ROBO2: variants seen among roughly 807,000 people sequenced by gnomAD.
ROBO2 encodes the protein roundabout guidance receptor 2, also known as roundabout homolog 2.
A neutral mutation model predicts 160.8 loss-of-function variants in ROBO2; 53 were observed. The ratio of observed to expected loss-of-function variants is 0.33; its 90% CI spans 0.26 to 0.41. The LOEUF is 0.41. Ranked by LOEUF, ROBO2 falls within the 10% of genes least tolerant of loss-of-function variation. ROBO2 has a pLI of 1.00. For missense variants in ROBO2, 1,577 were observed against 1,722.4 expected, an observed-to-expected ratio of 0.92 and a Z score of 1.49; for synonymous variants, 664 against 611.7, an observed-to-expected ratio of 1.09 and a Z score of -1.26.
chr3:76,390,860 A>G (rs1474040308), intron 2 of ROBO2, among the ~76,000 whole-genome samples: 1 of 152,170 alleles, frequency 6.6e-6, no homozygotes, highest in East Asian at 1.9e-4. Context: ...TAAGGACAGT[A>G]TGTTCAGTAT....
At chr3:75,992,765 A>C (rs2107520800) in intron 2 of ROBO2, among the ~76,000 whole-genome samples, 1 of 152,302 alleles carries the variant, frequency 6.6e-6, no homozygotes, top group East Asian at 1.9e-4. Flanking sequence ...TGATGGGCTA[A>C]ACCCTGCAAA....
intron 2 of ROBO2, among the ~76,000 whole-genome samples, chr3:76,658,700 G>A (rs1271910007): frequency 6.6e-6 from 1 of 152,136 alleles, no homozygotes; most frequent in Non-Finnish European, 1.5e-5. Context: ...ATTCCAAGGT[G>A]TATATGTGCC....
intron 2 of ROBO2, among the ~76,000 whole-genome samples, chr3:76,622,235 G>GAAAGAA (rs1343648585): frequency 6.7e-5 from 3 of 44,792 alleles, no homozygotes; most frequent in African/African-American, 2.6e-4. Flanking sequence ...AGGAAGGAAG[G>GAAAGAA]AAGAAAGAAA....
chr3:77,546,509 T>C, intron 7 of ROBO2, 47 bp downstream of exon 8: 1 of 1,608,960 alleles, frequency 6.2e-7, no homozygotes, highest in Non-Finnish European at 8.5e-7. Context: ...GAACTTCTAC[T>C]GTCTCTGCTG....
At chr3:76,444,011 G>T (rs1381328976) in intron 2 of ROBO2, among the ~76,000 whole-genome samples, 1 of 152,078 alleles carries the variant, frequency 6.6e-6, no homozygotes, top group African/African-American at 2.4e-5. Flanking sequence ...TGTCCCCCAA[G>T]CTGGAGTGCA....
chr3:76,223,334 A>G (rs958800285), intron 2 of ROBO2, among the ~76,000 whole-genome samples: 1 of 151,416 alleles, frequency 6.6e-6, no homozygotes, highest in African/African-American at 2.4e-5. Flanking sequence ...TGCGGGGTTA[A>G]CCCCCTCAGA....
At chr3:77,570,196 A>C (rs544527857) in intron 13 of ROBO2, among the ~76,000 whole-genome samples, 160 of 152,166 alleles carry the variant, frequency 1.1e-3, no homozygotes, top group Non-Finnish European at 1.2e-3. Flanking sequence ...TTTAAGCTGC[A>C]TCTAAATGTG....
At chr3:77,226,263 C>G (rs2086484575) in intron 2 of ROBO2, among the ~76,000 whole-genome samples, 2 of 151,638 alleles carry the variant, frequency 1.3e-5, no homozygotes, top group Admixed American at 1.3e-4. Context: ...TAAGATGACC[C>G]TATATGGACC....
intron 2 of ROBO2, among the ~76,000 whole-genome samples, chr3:76,200,295 G>A (rs1439567269): frequency 6.6e-6 from 1 of 152,092 alleles, no homozygotes; most frequent in Non-Finnish European, 1.5e-5. Flanking sequence ...CATCAACAAG[G>A]GTTGTGAAGA....
chr3:76,467,775 G>C (rs1384005749), intron 2 of ROBO2, among the ~76,000 whole-genome samples: 2 of 152,068 alleles, frequency 1.3e-5, no homozygotes, highest in African/African-American at 4.8e-5. Context: ...CCAACTCGTA[G>C]TGGATAGATA....
At chr3:76,444,399 A>T (rs2077071038) in intron 2 of ROBO2, among the ~76,000 whole-genome samples, 1 of 152,204 alleles carries the variant, frequency 6.6e-6, no homozygotes, top group Admixed American at 6.5e-5. Context: ...GGTTTGTATT[A>T]GTCCATTTTC....
At position 76,183,068 on chromosome 3, in the gene ROBO2, G is replaced by A. The variant is rs555743438; in HGVS notation, c.109+245466G>A. Among the ~76,000 whole-genome samples the A allele has an allele frequency of 1.2e-3, 178 of 152,202 alleles. No individual in the cohort carries two copies. The Middle Eastern group carries it at 0.014, about 12-fold the overall frequency. On this transcript the variant is annotated intron_variant, in intron 2 of 26. Coordinates refer to the ROBO2 transcript ENST00000487694. ...CTTTGCTTGATGGAATTTAGCTGGC[G>A]AATGAGCTGTGTAAGAGGATCAAAG...
At chr3:76,554,927 A>G (rs1367904658) in intron 2 of ROBO2, among the ~76,000 whole-genome samples, 1 of 152,046 alleles carries the variant, frequency 6.6e-6, no homozygotes, top group African/African-American at 2.4e-5. Context: ...AGGCATGAGT[A>G]TTTATGGCAT....
At chr3:76,869,550 C>T (rs1361480007) in intron 2 of ROBO2, among the ~76,000 whole-genome samples, 1 of 151,654 alleles carries the variant, frequency 6.6e-6, no homozygotes, top group African/African-American at 2.4e-5. Context: ...GGGGTTTCAC[C>T]GTGTTGGCCA....
At chr3:77,436,663 A>G (rs1198895907) in intron 2 of ROBO2, among the ~76,000 whole-genome samples, 2 of 151,908 alleles carry the variant, frequency 1.3e-5, no homozygotes, top group African/African-American at 4.8e-5. Flanking sequence ...AAACTAATTT[A>G]TGTGTAGAGA....
chr3:77,475,533 G>T (rs997965385), intron 2 of ROBO2, among the ~76,000 whole-genome samples: 3 of 152,102 alleles, frequency 2.0e-5, no homozygotes, highest in Non-Finnish European at 4.4e-5. Flanking sequence ...CATTTTTTAG[G>T]AGAGCAGATC....
At chr3:77,345,371 T>C (rs2067518904) in intron 2 of ROBO2, among the ~76,000 whole-genome samples, 1 of 152,240 alleles carries the variant, frequency 6.6e-6, no homozygotes, top group East Asian at 1.9e-4. Flanking sequence ...CATGATTGTA[T>C]TGGTCATAGA....
At chr3:76,430,219 T>A (rs1300870235) in intron 2 of ROBO2, among the ~76,000 whole-genome samples, 1 of 152,154 alleles carries the variant, frequency 6.6e-6, no homozygotes. Flanking sequence ...TTCCACCCAC[T>A]ACCTTGGACA....
chr3:77,521,703 A>C (rs1582673954), intron 5 of ROBO2, among the ~76,000 whole-genome samples: 2 of 151,304 alleles, frequency 1.3e-5, no homozygotes, highest in East Asian at 3.9e-4. Context: ...TCTATAAATT[A>C]GGACTGTATT....
Sources: gnomAD v4.1 joint callset for allele counts (sites outside exome capture counted in the v4.1 genomes callset) on GRCh38, gnomAD v4.1.1 for gene constraint, MANE v1.5 for transcripts, NCBI Gene and HGNC (gene_info 2026-07-23, HGNC 2026-07-21) for gene names.